The following PAK5 variants were observed in gnomAD, a reference collection of about 807,000 sequenced individuals.
The protein encoded by PAK5 is serine/threonine-protein kinase PAK 5.
A neutral mutation model predicts 65.9 loss-of-function variants in PAK5; 16 were observed. That is an observed-to-expected ratio of 0.24 (90% CI 0.16 to 0.37). The LOEUF is 0.37. PAK5 is among the 10% of genes least tolerant of loss of function. PAK5 has a pLI of 1.00. For missense variants in PAK5, 785 were observed against 903.9 expected (o/e 0.87, Z 1.69); for synonymous variants, 371 against 354.9 (o/e 1.05, Z -0.51).
At chr20:9,770,687 G>T (rs931654269) in intron 1 of PAK5, among the ~76,000 whole-genome samples, 1 of 152,150 alleles carries the variant, frequency 6.6e-6, no homozygotes, top group Non-Finnish European at 1.5e-5. Flanking sequence ...AGAGTAAAAT[G>T]TGAGCTGAAA....
intron 3 of PAK5, among the ~76,000 whole-genome samples, chr20:9,604,324 T>A (rs1428520534): frequency 6.6e-6 from 1 of 152,250 alleles, no homozygotes; most frequent in Non-Finnish European, 1.5e-5. Context: ...GCATGCTATT[T>A]GCAAGCAATT....
At chr20:9,651,573 A>C (rs190140887) in intron 2 of PAK5, among the ~76,000 whole-genome samples, 3 of 152,362 alleles carry the variant, frequency 2.0e-5, no homozygotes, top group Admixed American at 1.3e-4. Context: ...CGAAAGTGTG[A>C]ATGTATTTAA....
chr20:9,611,261 A>G (rs1447751886), intron 3 of PAK5, among the ~76,000 whole-genome samples: 1 of 152,200 alleles, frequency 6.6e-6, no homozygotes, highest in African/African-American at 2.4e-5. Context: ...ATTGAGAAAA[A>G]GTGGATTCAG....
At chr20:9,681,377 TC>T (rs947094717) in intron 2 of PAK5, among the ~76,000 whole-genome samples, 8 of 152,316 alleles carry the variant, frequency 5.3e-5, no homozygotes, top group African/African-American at 1.9e-4. Flanking sequence ...TTTAGTCCCT[TC>T]ATATTTAATG....
intron 2 of PAK5, among the ~76,000 whole-genome samples, chr20:9,681,494 T>C (rs1458236520): frequency 1.3e-5 from 2 of 152,152 alleles, no homozygotes; most frequent in Non-Finnish European, 2.9e-5. Flanking sequence ...CAATCAAGTA[T>C]TTGTTATCAT....
chr20:9,681,874 G>T (rs1006696515), intron 2 of PAK5, among the ~76,000 whole-genome samples: 1 of 151,932 alleles, frequency 6.6e-6, no homozygotes. Flanking sequence ...CCCTGTTTTT[G>T]TTAGTCTATA....
intron 1 of PAK5, among the ~76,000 whole-genome samples, chr20:9,820,576 G>T (rs1349507181): frequency 1.3e-5 from 2 of 152,180 alleles, no homozygotes; most frequent in Non-Finnish European, 2.9e-5. Flanking sequence ...GCAACTGTAC[G>T]TGGAAGGTGC....
chr20:9,748,418 T>C (rs538092596), intron 1 of PAK5, among the ~76,000 whole-genome samples: 116 of 152,198 alleles, frequency 7.6e-4, no homozygotes, highest in African/African-American at 2.5e-3. Context: ...GGAGGCATCA[T>C]GCTACCTGAC....
intron 3 of PAK5, among the ~76,000 whole-genome samples, chr20:9,589,197 A>G (rs1308487379): frequency 6.6e-6 from 1 of 152,222 alleles, no homozygotes; most frequent in East Asian, 1.9e-4. Flanking sequence ...TGAAGTATAA[A>G]CAAAGATTCT....
intron 8 of PAK5, among the ~76,000 whole-genome samples, chr20:9,543,142 A>T (rs1281637959): frequency 1.3e-5 from 2 of 152,230 alleles, no homozygotes; most frequent in African/African-American, 2.4e-5. Context: ...ACCTTGCAGG[A>T]TGCAGAATAT....
intron 2 of PAK5, among the ~76,000 whole-genome samples, chr20:9,691,250 A>C (rs2047793286): frequency 6.6e-6 from 1 of 152,152 alleles, no homozygotes; most frequent in Admixed American, 6.5e-5. Flanking sequence ...ACCAGGATAA[A>C]ACCCATAGAG....
At chr20:9,769,595 A>G (rs899669307) in intron 1 of PAK5, among the ~76,000 whole-genome samples, 1 of 152,230 alleles carries the variant, frequency 6.6e-6, no homozygotes, top group Non-Finnish European at 1.5e-5. Flanking sequence ...ATTGCAAACT[A>G]AAGAGATTTA....
At chr20:9,826,949 TG>T (rs1423113401) in intron 1 of PAK5, among the ~76,000 whole-genome samples, 4 of 152,192 alleles carry the variant, frequency 2.6e-5, no homozygotes, top group Admixed American at 6.5e-5. Flanking sequence ...TACTCTATTG[TG>T]GGGAGGCCGG....
At chr20:9,791,842 C>T (rs113904648) in intron 1 of PAK5, among the ~76,000 whole-genome samples, 96 of 152,200 alleles carry the variant, frequency 6.3e-4, no homozygotes, top group Admixed American at 1.5e-3. Context: ...TTGGGTCACA[C>T]CTCCAGGGCT....
chr20:9,741,613 G>C (rs2048452105), intron 1 of PAK5, among the ~76,000 whole-genome samples: 1 of 152,022 alleles, frequency 6.6e-6, no homozygotes, highest in African/African-American at 2.4e-5. Context: ...ATTAATACCT[G>C]TCCAGACTAC....
intron 1 of PAK5, among the ~76,000 whole-genome samples, chr20:9,768,445 AC>A (rs758067283): frequency 1.0e-4 from 15 of 146,024 alleles, no homozygotes; most frequent in Non-Finnish European, 2.1e-4. Flanking sequence ...CTGTATATGT[AC>A]CCCCTGTATC....
At chr20:9,700,561 A>G (rs1211468471) in intron 2 of PAK5, among the ~76,000 whole-genome samples, 3 of 152,156 alleles carry the variant, frequency 2.0e-5, no homozygotes, top group East Asian at 3.8e-4. Context: ...TTGGGTATAC[A>G]CTTAGGGGGG....
At chr20:9,591,886 T>G (rs1457949808) in intron 3 of PAK5, among the ~76,000 whole-genome samples, 2 of 152,182 alleles carry the variant, frequency 1.3e-5, no homozygotes, top group East Asian at 3.9e-4. Context: ...GTGGAAATTA[T>G]CTCTTGGAGG....
intron 9 of PAK5, among the ~76,000 whole-genome samples, chr20:9,541,756 CAT>C (rs1249562877): frequency 1.3e-5 from 2 of 152,182 alleles, no homozygotes; most frequent in Non-Finnish European, 2.9e-5. Context: ...GTAATCCTCA[CAT>C]GTCAAGGGAG....
Sources: allele counts gnomAD v4.1 joint callset (sites outside exome capture counted in the v4.1 genomes callset), GRCh38; gene constraint gnomAD v4.1.1; transcripts MANE v1.5; gene names NCBI Gene and HGNC (gene_info 2026-07-23, HGNC 2026-07-21).